TAF4B: variants seen among roughly 807,000 people sequenced by gnomAD.
The protein encoded by TAF4B is TATA-box binding protein associated factor 4b.
Under a neutral mutation model 86.4 loss-of-function variants are expected in TAF4B, and 38 were observed. The observed-to-expected ratio is 0.44, with a 90% CI of 0.34 to 0.58. The LOEUF is 0.58. Among genes scored for constraint, TAF4B ranks in the 20% least tolerant of loss-of-function variants. The pLI, the probability that TAF4B is intolerant of heterozygous loss-of-function variation, is 0.02. For missense variants in TAF4B, 988 were observed against 1,027.6 expected (o/e 0.96, Z 0.53); for synonymous variants, 388 against 391.2 (o/e 0.99, Z 0.10).
chr18:26,353,378 T>G (rs547418482), intron 13 of TAF4B, among the ~76,000 whole-genome samples: 1 of 152,316 alleles, frequency 6.6e-6, no homozygotes, highest in South Asian at 2.1e-4. Context: ...TTTAGAAATA[T>G]GTTTGATAAA....
chr18:26,311,034 A>G lies in TAF4B; in HGVS notation c.1833-4195A>G, dbSNP rs1460496734. Among the ~76,000 whole-genome samples the G allele has an allele frequency of 2.6e-5, 4 of 152,138 alleles. No homozygotes were observed. In the East Asian group the frequency reaches 7.7e-4, roughly 29 times the overall value. ...ATTCACTGTGATTTTGATATTTTTAACAAAGTTCCATAATGATGGACATTT... is the reference window on the plus strand; with the variant it reads ...ATTCACTGTGATTTTGATATTTTTAGCAAAGTTCCATAATGATGGACATTT... On this transcript the variant is annotated intron_variant, in intron 9 of 14. Transcript: ENST00000269142.
intron 14 of TAF4B, among the ~76,000 whole-genome samples, chr18:26,360,460 T>C (rs547356887): frequency 6.6e-6 from 1 of 152,360 alleles, no homozygotes; most frequent in South Asian, 2.1e-4. Context: ...TTTATTCATC[T>C]AAAAGTTTTT....
At chr18:26,365,492 G>T (rs1281336759) in intron 14 of TAF4B, among the ~76,000 whole-genome samples, 2 of 152,154 alleles carry the variant, frequency 1.3e-5, no homozygotes, top group Admixed American at 1.3e-4. Flanking sequence ...GGAGAGGAGG[G>T]ATGGTACTGG....
chr18:26,360,799 G>A (rs578036804), intron 14 of TAF4B, among the ~76,000 whole-genome samples: 1 of 152,020 alleles, frequency 6.6e-6, no homozygotes, highest in African/African-American at 2.4e-5. Flanking sequence ...TATGTATTTG[G>A]GTCTGTTTCT....
At chr18:26,303,060 C>G (rs1456034386) in intron 9 of TAF4B, among the ~76,000 whole-genome samples, 2 of 103,186 alleles carry the variant, frequency 1.9e-5, no homozygotes, top group African/African-American at 6.9e-5. Context: ...ACTTTCATAC[C>G]CGCTCCACTT....
intron 10 of TAF4B, among the ~76,000 whole-genome samples, chr18:26,319,725 G>T (rs1038220818): frequency 1.3e-5 from 2 of 151,502 alleles, no homozygotes; most frequent in African/African-American, 4.8e-5. Flanking sequence ...GTGTAGCTCG[G>T]ATTACAGGCA....
intron 14 of TAF4B, among the ~76,000 whole-genome samples, chr18:26,372,066 G>T (rs753577225): frequency 6.6e-5 from 10 of 152,020 alleles, no homozygotes; most frequent in African/African-American, 2.4e-4. Flanking sequence ...GCCTCACAAC[G>T]GATCCTGAAC....
intron 14 of TAF4B, among the ~76,000 whole-genome samples, chr18:26,375,201 T>C (rs1335073326): frequency 5.9e-5 from 9 of 152,176 alleles, no homozygotes; most frequent in Non-Finnish European, 1.5e-5. Flanking sequence ...CTTCTTTCAC[T>C]GAGCATAATG....
intron 13 of TAF4B, among the ~76,000 whole-genome samples, chr18:26,336,877 A>G (rs2057096343): frequency 6.6e-6 from 1 of 152,212 alleles, no homozygotes; most frequent in Non-Finnish European, 1.5e-5. Context: ...TAAGCATCTG[A>G]ATCTTAGATT....
chr18:26,324,949 C>T (rs1327549590), intron 11 of TAF4B, among the ~76,000 whole-genome samples: 1 of 152,162 alleles, frequency 6.6e-6, no homozygotes, highest in African/African-American at 2.4e-5. Context: ...TTATTTTTAT[C>T]TGTACAGTGT....
At chr18:26,303,060 C>CCCCTCCACTTTCATACT (rs2056754682) in intron 9 of TAF4B, among the ~76,000 whole-genome samples, 6 of 103,182 alleles carry the variant, frequency 5.8e-5, no homozygotes, top group Admixed American at 2.1e-4. Context: ...ACTTTCATAC[C>CCCCTCCACTTTCATACT]CGCTCCACTT....
intron 13 of TAF4B, among the ~76,000 whole-genome samples, chr18:26,338,246 G>A (rs1678738127): frequency 6.6e-6 from 1 of 151,908 alleles, no homozygotes; most frequent in South Asian, 2.1e-4. Context: ...TTAGGAGTTC[G>A]AGACCAGCCT....
Position 26,286,253 on chromosome 18 carries a change from C to T in TAF4B, c.1344C>T (p.Val448=). 1 of 1,614,236 alleles carries T rather than the reference C, an allele frequency of 6.2e-7. No homozygotes were observed. Among genetic ancestry groups the T allele is most frequent in the Admixed American group, 1.7e-5 (1 of 60,034 alleles). The change falls in exon 7 of 15, where the codon GTC becomes GTT. Residue 448 remains valine, a synonymous_variant. Coordinates refer to ENST00000269142, the MANE Select transcript of TAF4B (RefSeq NM_005640.3). ...VTSVANTVTT[V]SLQPEKPVVS... Reference sequence around the variant, plus strand: ...CTGTGGCAAACACAGTGACCACGGTCTCACTGCAACCTGAAAAGCCAGTTG... The same window carrying T: ...CTGTGGCAAACACAGTGACCACGGTTTCACTGCAACCTGAAAAGCCAGTTG...
At position 26,281,958 on chromosome 18, in the gene TAF4B, T is replaced by C. The variant is rs775052798; in HGVS notation, c.883-13T>C. The C allele has an allele frequency of 5.6e-6, 9 of 1,594,320 alleles. No individual in the cohort carries two copies. In the East Asian group the frequency reaches 8.9e-5, roughly 16 times the overall value. On this transcript the variant is annotated splice_polypyrimidine_tract_variant and intron_variant, in intron 5 of 14. Transcript: ENST00000269142. ...GTAGACTTAAAATTGTTTCTATTTCTCCCATCCCTCAGGATGCAAAAATCG... is the reference window on the plus strand; with the variant it reads ...GTAGACTTAAAATTGTTTCTATTTCCCCCATCCCTCAGGATGCAAAAATCG...
intron 1 of TAF4B, among the ~76,000 whole-genome samples, chr18:26,262,477 CT>C (rs11291283): frequency 0.4 from 57,417 of 143,192 alleles, 13,292 homozygotes; most frequent in African/African-American, 0.68. Flanking sequence ...TTTCCAAACA[CT>C]TTTTTTTTTT....
intron 13 of TAF4B, 53 bp downstream of exon 13, chr18:26,335,284 G>T: frequency 6.7e-7 from 1 of 1,497,486 alleles, no homozygotes. Context: ...AAGGTTGGCA[G>T]CTCTCTCCTG....
chr18:26,372,421 A>G (rs2057411819), intron 14 of TAF4B, among the ~76,000 whole-genome samples: 1 of 152,180 alleles, frequency 6.6e-6, no homozygotes, highest in Non-Finnish European at 1.5e-5. Flanking sequence ...GCAAATCTAT[A>G]CAATCCCTGA....
At chr18:26,259,872 A>G (rs1281034834) in intron 1 of TAF4B, among the ~76,000 whole-genome samples, 1 of 152,200 alleles carries the variant, frequency 6.6e-6, no homozygotes, top group Non-Finnish European at 1.5e-5. Context: ...GTCTTCCACA[A>G]TGGTTGAATT....
intron 13 of TAF4B, among the ~76,000 whole-genome samples, chr18:26,344,701 CAT>C: frequency 1.3e-5 from 2 of 152,328 alleles, no homozygotes; most frequent in Middle Eastern, 6.8e-3. Context: ...TGAGGACTGA[CAT>C]TGGCAAGATG....
Sources: allele counts gnomAD v4.1 joint callset (sites outside exome capture counted in the v4.1 genomes callset), GRCh38; gene constraint gnomAD v4.1.1; transcripts MANE v1.5; gene names NCBI Gene and HGNC (gene_info 2026-07-23, HGNC 2026-07-21).